The following TSPAN9 variants were observed in gnomAD, a reference collection of about 807,000 sequenced individuals.
TSPAN9 encodes tetraspanin 9.
Under a neutral mutation model 31.0 loss-of-function variants are expected in TSPAN9, and 16 were observed. The observed-to-expected ratio is 0.52, with a 90% CI of 0.35 to 0.78. The LOEUF (loss-of-function observed/expected upper bound fraction) is 0.78. TSPAN9 is among the 30% of genes least tolerant of loss of function. The probability of loss-of-function intolerance (pLI) is 0.01; values close to 1 mark genes in which losing one functional copy is unlikely to be tolerated. For synonymous variants in TSPAN9, 145 were observed against 121.6 expected (o/e 1.19, Z -1.27); for missense variants, 272 against 312.5 (o/e 0.87, Z 0.98).
chr12:3,275,905 A>G (rs1355395555), intron 3 of TSPAN9, among the ~76,000 whole-genome samples: 1 of 152,200 alleles, frequency 6.6e-6, no homozygotes, highest in Non-Finnish European at 1.5e-5. Context: ...TTCTTCATGC[A>G]CACCTTTCTG....
chr12:3,177,585 A>G (rs892504849), intron 2 of TSPAN9, among the ~76,000 whole-genome samples: 2 of 152,180 alleles, frequency 1.3e-5, no homozygotes, highest in African/African-American at 4.8e-5. Context: ...GGTGACTGCC[A>G]CCATGCCCAG....
In TSPAN9 at chr12:3,248,017, A is replaced by G. The variant is rs976360414; in HGVS notation, c.64-30404A>G. ...AGACTGCATCTTAATCAAATGACAG[A>G]CTGACTGTCTGCTTGCCCCTTTCCC... On this transcript the variant is annotated intron_variant, in intron 3 of 8. Transcript: ENST00000011898. Among the ~76,000 whole-genome samples, 8 of 152,272 alleles carry G rather than the reference A, an allele frequency of 5.3e-5. No homozygotes were observed. In the East Asian group the frequency reaches 1.2e-3, roughly 22 times the overall value.
intron 2 of TSPAN9, among the ~76,000 whole-genome samples, chr12:3,130,145 C>A (rs1018061609): frequency 6.6e-6 from 1 of 152,168 alleles, no homozygotes. Context: ...ACTTCCGCTT[C>A]CCCCGGTGGC....
chr12:3,195,109 T>G (rs1343104678), intron 2 of TSPAN9, among the ~76,000 whole-genome samples: 1 of 152,226 alleles, frequency 6.6e-6, no homozygotes, highest in Non-Finnish European at 1.5e-5. Flanking sequence ...GGAGGCTGCC[T>G]TGTTTGAGGC....
At chr12:3,246,721 AG>A (rs1862137588) in intron 3 of TSPAN9, among the ~76,000 whole-genome samples, 1 of 152,170 alleles carries the variant, frequency 6.6e-6, no homozygotes, top group East Asian at 1.9e-4. Flanking sequence ...GCAAAACTTG[AG>A]TTTGTGGCTG....
At position 3,192,074 on chromosome 12, in the gene TSPAN9, G is replaced by A. The variant is rs1300350351; in HGVS notation, c.-17-9103G>A. Among the ~76,000 whole-genome samples, 10 of 152,180 alleles carry A rather than the reference G, an allele frequency of 6.6e-5. No individual in the cohort carries two copies. The highest frequency in any genetic ancestry group is 5.2e-4 in the Admixed American group (8 of 15,286). On this transcript the variant is annotated intron_variant, in intron 2 of 8. Coordinates refer to ENST00000011898, the MANE Select transcript of TSPAN9 (RefSeq NM_006675.5). This position sits in a 1 kb window ranked among gnomAD's most constrained non-coding sequence, Gnocchi z 4.6. The stretch of plus-strand genomic sequence containing the variant: ...GGCTCTGAGGAGGTCAGAGCACCGA[G>A]AGTTCACGGCTGTGGCAATAATGGG...
intron 2 of TSPAN9, among the ~76,000 whole-genome samples, chr12:3,182,935 G>T (rs763882989): frequency 6.6e-6 from 1 of 152,222 alleles, no homozygotes; most frequent in African/African-American, 2.4e-5. Context: ...GGTCAGGGCC[G>T]CATGGTCGGA....
chr12:3,230,841 C>T (rs149324233), intron 3 of TSPAN9, among the ~76,000 whole-genome samples: 2 of 152,190 alleles, frequency 1.3e-5, no homozygotes, highest in African/African-American at 2.4e-5. Context: ...CTCACCTGTC[C>T]TCGGCCCCCC....
chr12:3,097,132 G>T (rs554958239), intron 2 of TSPAN9, among the ~76,000 whole-genome samples: 2 of 152,128 alleles, frequency 1.3e-5, no homozygotes, highest in Non-Finnish European at 2.9e-5. Flanking sequence ...GGCTTTCCTT[G>T]GGTGTCTGGG....
intron 3 of TSPAN9, among the ~76,000 whole-genome samples, chr12:3,241,830 G>A (rs978639654): frequency 6.6e-6 from 1 of 152,218 alleles, no homozygotes; most frequent in Non-Finnish European, 1.5e-5. Flanking sequence ...ATGGAATGCT[G>A]CTCACTGGGG....
chr12:3,106,231 G>A (rs1040582231), intron 2 of TSPAN9, among the ~76,000 whole-genome samples: 2 of 152,230 alleles, frequency 1.3e-5, no homozygotes, highest in Non-Finnish European at 2.9e-5. Flanking sequence ...ACCAACAGCT[G>A]GCAGCTGACT....
In TSPAN9 at chr12:3,280,512, A is replaced by G. The variant is rs1477937816; in HGVS notation, c.432+29A>G. The G allele has an allele frequency of 6.3e-7, 1 of 1,598,312 alleles. No homozygotes were observed. Among genetic ancestry groups the G allele is most frequent in the East Asian group, 2.2e-5 (1 of 44,620 alleles). ...CGGGCTGGGCCGCCCTGGTGGGGCC[A>G]GGCAGGGAGGAGGGGTGGCGGCCGG... On this transcript the variant is annotated intron_variant, in intron 6 of 8. Transcript: ENST00000011898. This position sits in a 1 kb window ranked among gnomAD's most constrained non-coding sequence, Gnocchi z 4.5.
At chr12:3,247,550 T>C (rs779125127) in intron 3 of TSPAN9, among the ~76,000 whole-genome samples, 3 of 152,118 alleles carry the variant, frequency 2.0e-5, no homozygotes, top group Non-Finnish European at 4.4e-5. Context: ...TTAAGAGAAA[T>C]GGAGTTTTCC....
chr12:3,090,320 T>C (rs1591622541), intron 2 of TSPAN9, among the ~76,000 whole-genome samples: 2 of 152,236 alleles, frequency 1.3e-5, no homozygotes, highest in African/African-American at 4.8e-5. Flanking sequence ...ACAAACACCA[T>C]TTTCTTTGCT....
At chr12:3,266,849 C>T (rs1311261836) in intron 3 of TSPAN9, among the ~76,000 whole-genome samples, 1 of 152,196 alleles carries the variant, frequency 6.6e-6, no homozygotes, top group East Asian at 1.9e-4. Context: ...AGAAGATGCT[C>T]CACATGTGGG....
rs534679623 is a variant in TSPAN9, at chr12:3,240,270, C to T, written c.64-38151C>T. Among the ~76,000 whole-genome samples the T allele has an allele frequency of 3.3e-5, 5 of 152,156 alleles. No homozygotes were observed. In the South Asian group the frequency reaches 8.3e-4, roughly 25 times the overall value. On this transcript the variant is annotated intron_variant, in intron 3 of 8. Transcript: ENST00000011898. ...GGGTGCGTTTGGAGTCCAGAGGCCC[C>T]GCTGCAGGCTACGGGGAGAGAGAGA...
chr12:3,270,684 G>T (rs1025049265), intron 3 of TSPAN9, among the ~76,000 whole-genome samples: 64 of 152,274 alleles, frequency 4.2e-4, no homozygotes, highest in African/African-American at 1.3e-3. Flanking sequence ...GACTGCTGGT[G>T]ACTGGGCATT....
At chr12:3,092,689 C>T (rs377717669) in intron 2 of TSPAN9, among the ~76,000 whole-genome samples, 1 of 152,346 alleles carries the variant, frequency 6.6e-6, no homozygotes, top group East Asian at 1.9e-4. Context: ...TCATCATCCA[C>T]CTTACCCACT....
At chr12:3,181,083 C>T (rs1476156404) in intron 2 of TSPAN9, among the ~76,000 whole-genome samples, 1 of 151,176 alleles carries the variant, frequency 6.6e-6, no homozygotes, top group Non-Finnish European at 1.5e-5. Context: ...GGGATGTTTG[C>T]TTGGGGAAGA....
Sources: gnomAD v4.1 joint callset for allele counts (sites outside exome capture counted in the v4.1 genomes callset) on GRCh38, gnomAD v4.1.1 for gene constraint, Gnocchi (gnomAD v3.1) non-coding constraint, MANE v1.5 for transcripts, NCBI Gene and HGNC (gene_info 2026-07-23, HGNC 2026-07-21) for gene names.